TGFBR3: variants seen among roughly 807,000 people sequenced by gnomAD.
TGFBR3 encodes the protein transforming growth factor beta receptor 3, also known as transforming growth factor beta receptor type 3.
In TGFBR3, 46 loss-of-function variants were observed where a neutral mutation model predicts 87.9. The observed-to-expected ratio is 0.52, with a 90% CI of 0.41 to 0.67. The LOEUF is 0.67. Among genes scored for constraint, TGFBR3 ranks in the 30% least tolerant of loss-of-function variants. The pLI is 0.00. For missense variants in TGFBR3, 866 were observed against 1,041.9 expected (o/e 0.83, Z 2.32); for synonymous variants, 381 against 391.6 (o/e 0.97, Z 0.32).
At chr1:91,730,681 C>T (rs1408773234) in intron 5 of TGFBR3, among the ~76,000 whole-genome samples, 1 of 152,360 alleles carries the variant, frequency 6.6e-6, no homozygotes, top group South Asian at 2.1e-4. Flanking sequence ...AAGCAACCAC[C>T]TAATTAATCC....
chr1:91,751,496 G>A lies in TGFBR3; in HGVS notation c.384+7117C>T, dbSNP rs35271486. On this transcript the variant is annotated intron_variant, in intron 4 of 16. Coordinates refer to ENST00000212355, the MANE Select transcript of TGFBR3 (RefSeq NM_003243.5). ...TGGAAATTTAGCCTTCTGATTTCCA[G>A]TTAAATACTAGGCACAGGAAAACAA... Among the ~76,000 whole-genome samples, 1,240 of 152,312 alleles carry A rather than the reference G, an allele frequency of 8.1e-3. 11 individuals carry two copies. Among genetic ancestry groups the A allele is most frequent in the Middle Eastern group, 0.017 (5 of 294 alleles).
Position 91,793,990 on chromosome 1 carries a change from G to A in TGFBR3, c.246+3297C>T, listed in dbSNP as rs546146771. On this transcript the variant is annotated intron_variant, in intron 3 of 16. Coordinates refer to ENST00000212355, the MANE Select transcript of TGFBR3 (RefSeq NM_003243.5). ...CATTAGGTGAGTTTAAGTTGAAGGA[G>A]TAAGCAATCTTGGTAAAAGTGAATT... 2.9e-3 allele frequency among the ~76,000 whole-genome samples: 440 copies of A among 152,224 alleles called. 3 individuals are homozygous for A. The highest frequency in any genetic ancestry group is 0.01 in the African/African-American group (429 of 41,536).
chr1:91,849,319 G>C (rs547058808), intron 2 of TGFBR3, among the ~76,000 whole-genome samples: 1 of 152,170 alleles, frequency 6.6e-6, no homozygotes, highest in Admixed American at 6.5e-5. Context: ...ATACACACCC[G>C]CACCGTCTCC....
intron 4 of TGFBR3, among the ~76,000 whole-genome samples, chr1:91,748,766 T>G (rs1673434849): frequency 1.3e-5 from 2 of 151,652 alleles, no homozygotes; most frequent in South Asian, 4.2e-4. Context: ...TAACATTTAC[T>G]GAGTACTTAC....
chr1:91,887,153 G>GCTAATACCC (rs980414374), upstream of TGFBR3, among the ~76,000 whole-genome samples: 7 of 149,270 alleles, frequency 4.7e-5, no homozygotes, highest in African/African-American at 1.7e-4. Flanking sequence ...ATGGCTAACG[G>GCTAATACCC]CTAATACCCG....
At position 91,830,282 on chromosome 1, in the gene TGFBR3, A is replaced by G. The variant is rs528630576; in HGVS notation, c.61+31189T>C. Among the ~76,000 whole-genome samples the G allele has an allele frequency of 2.6e-5, 4 of 152,300 alleles. No homozygotes were observed. In the East Asian group the frequency reaches 7.7e-4, roughly 29 times the overall value. ...AGGGTTATGCTTGGTGAAGAGGGATACAGGCAATCGGGACTTGGTGCTCGT... is the reference window on the plus strand; with the variant it reads ...AGGGTTATGCTTGGTGAAGAGGGATGCAGGCAATCGGGACTTGGTGCTCGT... On this transcript the variant is annotated intron_variant, in intron 2 of 16. Coordinates refer to ENST00000212355, the MANE Select transcript of TGFBR3 (RefSeq NM_003243.5).
intron 3 of TGFBR3, among the ~76,000 whole-genome samples, chr1:91,771,365 G>C (rs779909018): frequency 6.6e-6 from 1 of 152,106 alleles, no homozygotes; most frequent in Non-Finnish European, 1.5e-5. Context: ...TGTTTAGGAA[G>C]TTGAGGATGA....
intron 1 of TGFBR3, among the ~76,000 whole-genome samples, chr1:91,879,719 T>C (rs1678998383): frequency 6.6e-6 from 1 of 152,142 alleles, no homozygotes; most frequent in South Asian, 2.1e-4. Context: ...GCTTGGAAAT[T>C]TGTGCTGATT....
rs377685342 is a variant in TGFBR3, at chr1:91,819,214, A to G, written c.62-21743T>C. Among the ~76,000 whole-genome samples, 10 of 152,228 alleles carry G rather than the reference A, an allele frequency of 6.6e-5. No individual in the cohort carries two copies. In the East Asian group the frequency reaches 1.2e-3, roughly 18 times the overall value. On this transcript the variant is annotated intron_variant, in intron 2 of 16. Transcript: ENST00000212355. ...GAAACCGTGTCTCTACTAAGAATAC[A>G]AAAATTACCCAGGCATGGTGGCATG...
intron 7 of TGFBR3, among the ~76,000 whole-genome samples, chr1:91,723,252 C>A (rs556751267): frequency 1.3e-5 from 2 of 151,808 alleles, no homozygotes; most frequent in Non-Finnish European, 2.9e-5. Flanking sequence ...GAGGCTGAGG[C>A]GGAAGGACTG....
chr1:91,858,851 T>G (rs182381894), intron 2 of TGFBR3, among the ~76,000 whole-genome samples: 6 of 151,672 alleles, frequency 4.0e-5, no homozygotes, highest in Admixed American at 3.3e-4. Flanking sequence ...AGGTCAGGAG[T>G]TCGAGACCAG....
chr1:91,683,662 A>G lies in TGFBR3; in HGVS notation c.*77T>C, dbSNP rs573184725. 73 of 1,212,462 alleles carry G rather than the reference A, an allele frequency of 6.0e-5. 2 individuals are homozygous for G. The South Asian group carries it at 9.7e-4, about 16-fold the overall frequency. 75.1% of individuals were successfully genotyped at this position (1,212,462 alleles called of 1,614,324 possible). On this transcript the variant is annotated 3_prime_UTR_variant, in exon 17 of 17. Transcript: ENST00000212355. The stretch of plus-strand genomic sequence containing the variant: ...CCCTCTGAGTCTGGACACGAGGCTC[A>G]GCCATTGGTCCTGCCCTTGGCAGTA...
intron 3 of TGFBR3, among the ~76,000 whole-genome samples, chr1:91,776,045 C>T (rs1458749763): frequency 6.6e-6 from 1 of 152,236 alleles, no homozygotes; most frequent in Admixed American, 6.5e-5. Context: ...TCTTTCTAAG[C>T]TCTTCACCTA....
chr1:91,722,988 A>C (rs1286911767), intron 7 of TGFBR3, among the ~76,000 whole-genome samples: 2 of 152,220 alleles, frequency 1.3e-5, no homozygotes, highest in African/African-American at 2.4e-5. Flanking sequence ...ATAAACTATT[A>C]AATTCCACAT....
At chr1:91,786,682 C>T (rs545686062) in intron 3 of TGFBR3, among the ~76,000 whole-genome samples, 6 of 150,816 alleles carry the variant, frequency 4.0e-5, no homozygotes, top group East Asian at 3.9e-4. Flanking sequence ...ACTCGGGAGG[C>T]GGAGGTTGCA....
intron 2 of TGFBR3, among the ~76,000 whole-genome samples, chr1:91,815,510 A>G (rs1284611331): frequency 2.6e-5 from 4 of 152,040 alleles, no homozygotes; most frequent in African/African-American, 9.7e-5. Flanking sequence ...CTCACTACCC[A>G]CTTTACGTTA....
intron 5 of TGFBR3, among the ~76,000 whole-genome samples, chr1:91,734,241 TC>T (rs576255670): frequency 9.8e-4 from 150 of 152,338 alleles, no homozygotes; most frequent in African/African-American, 3.2e-3. Context: ...ACACTTCTTT[TC>T]TCCAATAATT....
At chr1:91,727,315 G>A (rs1033314602) in intron 7 of TGFBR3, among the ~76,000 whole-genome samples, 1 of 152,158 alleles carries the variant, frequency 6.6e-6, no homozygotes, top group Non-Finnish European at 1.5e-5. Flanking sequence ...TCAATATGAA[G>A]GCTTAATTGT....
chr1:91,852,644 G>A (rs866550592), intron 2 of TGFBR3, among the ~76,000 whole-genome samples: 1 of 152,048 alleles, frequency 6.6e-6, no homozygotes, highest in South Asian at 2.1e-4. Context: ...TCGGCTCACC[G>A]CAACCTCCGC....
Sources: allele counts gnomAD v4.1 joint callset (sites outside exome capture counted in the v4.1 genomes callset), GRCh38; gene constraint gnomAD v4.1.1; transcripts MANE v1.5; gene names NCBI Gene and HGNC (gene_info 2026-07-23, HGNC 2026-07-21).